The following TAFA1 variants were observed in gnomAD, a reference collection of about 807,000 sequenced individuals.
The protein encoded by TAFA1 is TAFA chemokine like family member 1, also known as chemokine-like protein TAFA-1.
TAFA1 carries 4 observed loss-of-function variants against 18.5 expected under a neutral mutation model. The ratio of observed to expected loss-of-function variants is 0.22; its 90% CI spans 0.11 to 0.49. The LOEUF (loss-of-function observed/expected upper bound fraction) is 0.49, where lower values mean the gene tolerates loss of function less well. Among genes scored for constraint, TAFA1 ranks in the 20% least tolerant of loss-of-function variants. The pLI, the probability that TAFA1 is intolerant of heterozygous loss-of-function variation, is 0.98. For synonymous variants in TAFA1, 56 were observed against 55.2 expected, an observed-to-expected ratio of 1.01 and a Z score of -0.06; for missense variants, 147 against 169.0, an observed-to-expected ratio of 0.87 and a Z score of 0.72.
At chr3:68,124,282 C>A (rs908733865) in intron 2 of TAFA1, among the ~76,000 whole-genome samples, 39 of 152,320 alleles carry the variant, frequency 2.6e-4, no homozygotes, top group African/African-American at 8.9e-4. Flanking sequence ...TCTGGTCTCA[C>A]TGTTCTTAGC....
At chr3:68,297,149 G>A (rs375337253) in intron 2 of TAFA1, among the ~76,000 whole-genome samples, 6 of 152,258 alleles carry the variant, frequency 3.9e-5, no homozygotes, top group South Asian at 4.2e-4. Flanking sequence ...ACAAGATGAC[G>A]CTGAAGGGGT....
At position 68,420,948 on chromosome 3, in the gene TAFA1, T is replaced by C. The variant is rs2070945094; in HGVS notation, c.259+3528T>C. 2.6e-5 allele frequency among the ~76,000 whole-genome samples: 4 copies of C among 152,188 alleles called. No individual in the cohort carries two copies. The South Asian group carries it at 8.3e-4, about 31-fold the overall frequency. ...TGGCCCTAGAAGCCAATAAGCATTA[T>C]AAAACAAAACCATGATGGTTTCTCA... On this transcript the variant is annotated intron_variant, in intron 3 of 4. Transcript: ENST00000478136.
At chr3:68,102,285 T>C (rs6548993) in intron 2 of TAFA1, among the ~76,000 whole-genome samples, 137,839 of 152,140 alleles carry the variant, frequency 0.91, 62,630 homozygotes, top group South Asian at 0.95. Flanking sequence ...TTCTAAAACC[T>C]CTGTCCAATT....
chr3:68,365,225 T>C (rs2069543293), intron 2 of TAFA1, among the ~76,000 whole-genome samples: 3 of 152,192 alleles, frequency 2.0e-5, no homozygotes, highest in Admixed American at 2.0e-4. Flanking sequence ...TTACCTATGA[T>C]CCTAAATAAT....
chr3:68,233,439 G>A (rs2066894271), intron 2 of TAFA1, among the ~76,000 whole-genome samples: 1 of 152,044 alleles, frequency 6.6e-6, no homozygotes, highest in Non-Finnish European at 1.5e-5. Flanking sequence ...ATCAGTTGAA[G>A]TAAATACATG....
rs546029699 is a variant in TAFA1, at chr3:68,156,545, T to C, written c.118+149801T>C. On this transcript the variant is annotated intron_variant, in intron 2 of 4. Coordinates refer to ENST00000478136, the MANE Select transcript of TAFA1 (RefSeq NM_213609.4). The stretch of plus-strand genomic sequence containing the variant: ...TACTGTGGCTGCTGTGCCCACTAAA[T>C]GAGTAAATGCATAAACATTGCTCAG... Among the ~76,000 whole-genome samples the C allele has an allele frequency of 9.2e-5, 14 of 152,282 alleles. No homozygotes were observed. The East Asian group carries it at 2.7e-3, about 29-fold the overall frequency.
chr3:68,014,071 A>T (rs771669096), intron 2 of TAFA1, among the ~76,000 whole-genome samples: 25 of 152,222 alleles, frequency 1.6e-4, no homozygotes, highest in South Asian at 1.2e-3. Context: ...GTGCTTTCAT[A>T]TCACACAAGA....
chr3:68,332,064 C>T (rs961618351), intron 2 of TAFA1, among the ~76,000 whole-genome samples: 12 of 151,386 alleles, frequency 7.9e-5, no homozygotes, highest in East Asian at 2.0e-4. Flanking sequence ...GGGGTTTCAC[C>T]GTGTTAACCC....
upstream of TAFA1, among the ~76,000 whole-genome samples, chr3:68,002,340 A>T (rs180953158): frequency 3.3e-5 from 5 of 152,352 alleles, no homozygotes; most frequent in Admixed American, 3.3e-4. Context: ...AGCAATGCCT[A>T]TCTGAATGCC....
rs972128389 is a variant in TAFA1, at chr3:68,545,143, T to G, written c.*640T>G. The G allele has an allele frequency of 2.6e-5, 4 of 152,558 alleles. No homozygotes were observed. The East Asian group carries it at 5.8e-4, about 22-fold the overall frequency. 9.5% of individuals were successfully genotyped at this position (152,558 alleles called of 1,614,324 possible). On this transcript the variant is annotated 3_prime_UTR_variant, in exon 5 of 5. Transcript: ENST00000478136. The stretch of plus-strand genomic sequence containing the variant: ...TTATTGCTTTCTACCCTGTGCAATA[T>G]TAGCATGCAAGCTTGGCTTACATAG...
intron 2 of TAFA1, among the ~76,000 whole-genome samples, chr3:68,256,014 TTATCTTTGATAAATAGA>T (rs1399499250): frequency 3.3e-5 from 5 of 152,158 alleles, no homozygotes; most frequent in Admixed American, 6.5e-5. Flanking sequence ...GCTAGAGTAT[TTATCTTTGATAAATAGA>T]TACTATTTAT....
chr3:68,383,734 A>G (rs2070030763), intron 2 of TAFA1, among the ~76,000 whole-genome samples: 1 of 152,046 alleles, frequency 6.6e-6, no homozygotes, highest in African/African-American at 2.4e-5. Flanking sequence ...CAATTTTTGA[A>G]ATAGTTTCAT....
At chr3:68,465,680 C>G (rs2071874288) in intron 3 of TAFA1, among the ~76,000 whole-genome samples, 2 of 152,186 alleles carry the variant, frequency 1.3e-5, no homozygotes, top group Admixed American at 1.3e-4. Context: ...AAGGTGGCCA[C>G]TTCGTCTCTA....
At chr3:68,467,006 T>C (rs145086755) in intron 3 of TAFA1, among the ~76,000 whole-genome samples, 472 of 152,240 alleles carry the variant, frequency 3.1e-3, no homozygotes, top group African/African-American at 0.011. Flanking sequence ...CCAGGGCTGT[T>C]AATTATTAAT....
At chr3:68,326,554 G>T (rs954038165) in intron 2 of TAFA1, among the ~76,000 whole-genome samples, 7 of 152,138 alleles carry the variant, frequency 4.6e-5, no homozygotes, top group Non-Finnish European at 1.0e-4. Context: ...GCAAAATCCT[G>T]CATTGTCCAT....
chr3:68,057,433 G>C (rs983590024), intron 2 of TAFA1, among the ~76,000 whole-genome samples: 11 of 152,166 alleles, frequency 7.2e-5, no homozygotes, highest in Non-Finnish European at 1.0e-4. Context: ...CAATTCCAAT[G>C]CTTCATTTAA....
chr3:68,348,438 A>G (rs969406173), intron 2 of TAFA1, among the ~76,000 whole-genome samples: 5 of 152,076 alleles, frequency 3.3e-5, no homozygotes, highest in African/African-American at 1.2e-4. Context: ...TTGGCCACTT[A>G]AATAAAAGAG....
chr3:68,051,629 A>T (rs1366888880), intron 2 of TAFA1, among the ~76,000 whole-genome samples: 1 of 152,054 alleles, frequency 6.6e-6, no homozygotes, highest in Non-Finnish European at 1.5e-5. Flanking sequence ...TCTCGTTTAG[A>T]TTGTATATAT....
intron 3 of TAFA1, among the ~76,000 whole-genome samples, chr3:68,480,797 C>T (rs991210563): frequency 3.9e-5 from 6 of 152,164 alleles, no homozygotes; most frequent in Non-Finnish European, 8.8e-5. Flanking sequence ...CCACCCAAGT[C>T]TCATCTTGAA....
Sources: allele counts gnomAD v4.1 joint callset (sites outside exome capture counted in the v4.1 genomes callset), GRCh38; gene constraint gnomAD v4.1.1; transcripts MANE v1.5; gene names NCBI Gene and HGNC (gene_info 2026-07-23, HGNC 2026-07-21).